KCNH7: variants seen among roughly 807,000 people sequenced by gnomAD.
KCNH7 encodes the protein voltage-gated inwardly rectifying potassium channel KCNH7.
KCNH7 carries 49 observed loss-of-function variants against 120.8 expected under a neutral mutation model. The observed-to-expected ratio is 0.41, with a 90% CI of 0.32 to 0.51. The LOEUF (loss-of-function observed/expected upper bound fraction) is 0.51, where lower values mean the gene tolerates loss of function less well. KCNH7 is among the 20% of genes least tolerant of loss of function. KCNH7 has a pLI of 0.38. For synonymous variants in KCNH7, 547 were observed against 516.1 expected, an observed-to-expected ratio of 1.06 and a Z score of -0.81; for missense variants, 1,097 against 1,446.6, an observed-to-expected ratio of 0.76 and a Z score of 3.92.
intron 2 of KCNH7, among the ~76,000 whole-genome samples, chr2:162,612,576 A>G (rs1321747934): frequency 6.6e-6 from 1 of 152,134 alleles, no homozygotes; most frequent in Admixed American, 6.5e-5. Context: ...GCAAAAGGAA[A>G]TGACACATCT....
chr2:162,392,681 T>C (rs1033152290), intron 12 of KCNH7, among the ~76,000 whole-genome samples: 2 of 151,904 alleles, frequency 1.3e-5, no homozygotes, highest in Admixed American at 6.6e-5. Context: ...TAAATAATGA[T>C]GCAAATAAAC....
At chr2:162,442,750 AG>A (rs1688465849) in intron 7 of KCNH7, among the ~76,000 whole-genome samples, 1 of 151,958 alleles carries the variant, frequency 6.6e-6, no homozygotes, top group African/African-American at 2.4e-5. Flanking sequence ...CCAGCTCCTC[AG>A]GGGGGTGAGG....
intron 2 of KCNH7, among the ~76,000 whole-genome samples, chr2:162,616,653 G>A (rs13427708): frequency 6.6e-6 from 1 of 152,092 alleles, no homozygotes; most frequent in Non-Finnish European, 1.5e-5. Flanking sequence ...TTTACACCAC[G>A]TTGAAACTTG....
intron 6 of KCNH7, among the ~76,000 whole-genome samples, chr2:162,467,129 G>A (rs907717166): frequency 6.6e-5 from 10 of 152,210 alleles, no homozygotes; most frequent in African/African-American, 1.7e-4. Context: ...CACACTGTCT[G>A]AGGCTTAGAA....
intron 2 of KCNH7, among the ~76,000 whole-genome samples, chr2:162,804,771 A>G (rs1256053600): frequency 1.3e-5 from 2 of 151,584 alleles, no homozygotes; most frequent in East Asian, 3.9e-4. Context: ...GGAACCAAAA[A>G]AAAAAAAGAG....
In KCNH7 at chr2:162,551,423, T is replaced by C. The variant is rs1427287185; in HGVS notation, c.308-14343A>G. 5.3e-5 allele frequency among the ~76,000 whole-genome samples: 8 copies of C among 151,878 alleles called. 1 individual carries two copies. The highest frequency in any genetic ancestry group is 1.9e-4 in the African/African-American group (8 of 41,326). ...AAAATGAATAAATTGTGAAAGAGAA[T>C]TGGAAAACCTAGCAAGAGTTGAAGT... is the stretch of plus-strand genomic sequence containing the variant. On this transcript the variant is annotated intron_variant, in intron 2 of 15. Transcript: ENST00000332142.
At chr2:162,546,851 T>C (rs951083013) in intron 2 of KCNH7, among the ~76,000 whole-genome samples, 1 of 149,770 alleles carries the variant, frequency 6.7e-6, no homozygotes, top group African/African-American at 2.5e-5. Flanking sequence ...GGATCTTTTA[T>C]TTAAAAAAAA....
At chr2:162,396,514 C>A (rs566497683) in intron 11 of KCNH7, among the ~76,000 whole-genome samples, 3 of 151,788 alleles carry the variant, frequency 2.0e-5, no homozygotes, top group Non-Finnish European at 4.4e-5. Context: ...CAAGGTCAAA[C>A]CTAATTGAAC....
At chr2:162,749,139 C>A (rs1688453437) in intron 2 of KCNH7, among the ~76,000 whole-genome samples, 2 of 147,840 alleles carry the variant, frequency 1.4e-5, no homozygotes, top group Admixed American at 1.4e-4. Context: ...CCTTCCTTTG[C>A]CTCCCCTCCC....
chr2:162,604,328 A>C (rs1694659050), intron 2 of KCNH7, among the ~76,000 whole-genome samples: 1 of 152,108 alleles, frequency 6.6e-6, no homozygotes, highest in African/African-American at 2.4e-5. Context: ...AATACGGTTC[A>C]ATAATGGATT....
At chr2:162,505,336 A>C (rs1361279207) in intron 5 of KCNH7, among the ~76,000 whole-genome samples, 1 of 151,812 alleles carries the variant, frequency 6.6e-6, no homozygotes, top group East Asian at 1.9e-4. Flanking sequence ...CTTATGTTTA[A>C]GTCTTGACCA....
intron 6 of KCNH7, among the ~76,000 whole-genome samples, chr2:162,490,271 C>T (rs1391048363): frequency 2.0e-5 from 3 of 152,216 alleles, no homozygotes; most frequent in Non-Finnish European, 4.4e-5. Flanking sequence ...GAATTAGTGC[C>T]TTATGCAAAC....
rs534837961 is a variant in KCNH7, at chr2:162,473,804, C to T, written c.1129-27361G>A. On this transcript the variant is annotated intron_variant, in intron 6 of 15. Transcript: ENST00000332142. ...AGGAGCTGAGGGAGTACAGAGAAAA[C>T]CACTTTGTCCAAAATTGTATGCTTA... 1.9e-3 allele frequency among the ~76,000 whole-genome samples: 295 copies of T among 152,224 alleles called. 1 individual carries two copies. The highest frequency in any genetic ancestry group is 6.6e-3 in the African/African-American group (275 of 41,542).
chr2:162,597,904 A>G (rs1425419637), intron 2 of KCNH7, among the ~76,000 whole-genome samples: 1 of 152,088 alleles, frequency 6.6e-6, no homozygotes, highest in Non-Finnish European at 1.5e-5. Flanking sequence ...AACATGGAGT[A>G]TTTTTGAATA....
chr2:162,372,466 G>A (rs983828570), intron 15 of KCNH7, among the ~76,000 whole-genome samples: 1 of 152,004 alleles, frequency 6.6e-6, no homozygotes, highest in Non-Finnish European at 1.5e-5. Flanking sequence ...AGAAAAGATG[G>A]GAAGATGGGA....
rs148830302 is a variant in KCNH7, at chr2:162,466,228, G to GAAAGA, written c.1129-19790_1129-19786dup. On this transcript the variant is annotated intron_variant, in intron 6 of 15. Transcript: ENST00000332142. ...CCCTTGCCTGACAATATTGTATTAT[G>GAAAGA]AAAGAAAATTTAAAAGGTACTGTAT... 3.7e-3 allele frequency among the ~76,000 whole-genome samples: 568 copies of GAAAGA among 152,214 alleles called. 5 individuals carry two copies. Among genetic ancestry groups the GAAAGA allele is most frequent in the African/African-American group, 0.013 (548 of 41,526 alleles).
At chr2:162,517,189 G>T (rs1378749758) in intron 4 of KCNH7, among the ~76,000 whole-genome samples, 1 of 151,614 alleles carries the variant, frequency 6.6e-6, no homozygotes, top group South Asian at 2.1e-4. Flanking sequence ...GTCGATTTTT[G>T]TTGAGATCAG....
intron 9 of KCNH7, among the ~76,000 whole-genome samples, chr2:162,421,245 C>G (rs1687700431): frequency 6.6e-6 from 1 of 152,060 alleles, no homozygotes; most frequent in African/African-American, 2.4e-5. Context: ...AGAAAAGCAC[C>G]TACATCATGA....
intron 9 of KCNH7, among the ~76,000 whole-genome samples, chr2:162,410,304 G>A (rs1461458551): frequency 2.0e-5 from 3 of 151,882 alleles, no homozygotes; most frequent in South Asian, 2.1e-4. Context: ...TTTCAACAAA[G>A]CTGACAATAA....
Sources: gnomAD v4.1 joint callset for allele counts (sites outside exome capture counted in the v4.1 genomes callset) on GRCh38, gnomAD v4.1.1 for gene constraint, MANE v1.5 for transcripts, NCBI Gene and HGNC (gene_info 2026-07-23, HGNC 2026-07-21) for gene names.